The following RARB variants were observed in gnomAD, a reference collection of about 807,000 sequenced individuals.
RARB encodes HBV-activated protein.
Under a neutral mutation model 51.9 loss-of-function variants are expected in RARB, and 17 were observed. That is an observed-to-expected ratio of 0.33 (90% CI 0.22 to 0.49). RARB has a LOEUF of 0.49. Ranked by LOEUF, RARB falls within the 20% of genes least tolerant of loss-of-function variation. The probability of loss-of-function intolerance (pLI) is 0.99; values close to 1 mark genes in which losing one functional copy is unlikely to be tolerated. For synonymous variants in RARB, 215 were observed against 195.4 expected, an observed-to-expected ratio of 1.10 and a Z score of -0.84; for missense variants, 369 against 550.8, an observed-to-expected ratio of 0.67 and a Z score of 3.30.
intron 3 of RARB, among the ~76,000 whole-genome samples, chr3:25,077,047 G>A (rs1330056881): frequency 1.3e-5 from 2 of 152,154 alleles, no homozygotes; most frequent in Non-Finnish European, 2.9e-5. Context: ...ATTTTCTGTA[G>A]GCATCTAAAG....
In RARB at chr3:25,001,034, A is replaced by G. The variant is rs184390827; in HGVS notation, c.-379-59091A>G. Among the ~76,000 whole-genome samples the G allele has an allele frequency of 1.6e-3, 244 of 152,248 alleles. 1 individual carries two copies. The highest frequency in any genetic ancestry group is 0.014 in the Middle Eastern group (4 of 294). ...AAAACATGGACTTGAGCCATTAAAAAGTAAATATTTGTAAGTAGTTCCTAC... is the reference window on the plus strand; with the variant it reads ...AAAACATGGACTTGAGCCATTAAAAGGTAAATATTTGTAAGTAGTTCCTAC... On this transcript the variant is annotated intron_variant, in intron 2 of 11. Coordinates refer to the RARB transcript ENST00000383772.
chr3:25,430,988 CTTTT>C (rs11360533), intron 1 of RARB, among the ~76,000 whole-genome samples: 1 of 105,206 alleles, frequency 9.5e-6, no homozygotes, highest in Non-Finnish European at 1.9e-5. Context: ...AAAACTAAAA[CTTTT>C]TTTTTTTTTT....
intron 2 of RARB, among the ~76,000 whole-genome samples, chr3:24,987,389 G>A (rs551132817): frequency 2.2e-4 from 34 of 152,298 alleles, no homozygotes; most frequent in African/African-American, 7.9e-4. Context: ...CAGCAAAGAA[G>A]AAAGCTCTTA....
chr3:25,010,593 T>A (rs1255404003), intron 2 of RARB, among the ~76,000 whole-genome samples: 1 of 152,116 alleles, frequency 6.6e-6, no homozygotes, highest in African/African-American at 2.4e-5. Context: ...GGATCTTCTA[T>A]CTGGTTGCAA....
At chr3:25,461,162 T>C (rs771464525) in intron 1 of RARB, 31 bp from the exon 2 acceptor site, 1 of 1,513,934 alleles carries the variant, frequency 6.6e-7, no homozygotes, top group East Asian at 2.4e-5. Context: ...CATTTTCTCT[T>C]TTTTCTCCCT....
intron 5 of RARB, among the ~76,000 whole-genome samples, chr3:25,252,009 A>G (rs979679467): frequency 1.3e-5 from 2 of 152,108 alleles, no homozygotes; most frequent in Non-Finnish European, 2.9e-5. Flanking sequence ...TTTAAGTCTG[A>G]ATAGGTTTTG....
At chr3:25,173,060 A>T (rs1420526455) in intron 4 of RARB, among the ~76,000 whole-genome samples, 1 of 152,202 alleles carries the variant, frequency 6.6e-6, no homozygotes, top group Non-Finnish European at 1.5e-5. Context: ...ACATGAATAC[A>T]TTCAGAGGTT....
At chr3:24,960,137 C>T (rs1299097008) in intron 2 of RARB, among the ~76,000 whole-genome samples, 1 of 152,176 alleles carries the variant, frequency 6.6e-6, no homozygotes, top group African/African-American at 2.4e-5. Context: ...CTTTCAGGTT[C>T]TACCTCCTGA....
intron 5 of RARB, among the ~76,000 whole-genome samples, chr3:25,388,565 A>G (rs983178172): frequency 6.6e-6 from 1 of 152,238 alleles, no homozygotes; most frequent in Non-Finnish European, 1.5e-5. Flanking sequence ...TGAAACAAAG[A>G]AATTGTTTTT....
At chr3:24,995,724 C>T (rs1323465847) in intron 2 of RARB, among the ~76,000 whole-genome samples, 2 of 151,968 alleles carry the variant, frequency 1.3e-5, no homozygotes, top group African/African-American at 2.4e-5. Flanking sequence ...TTGAGATGAT[C>T]GTATGGTTTT....
chr3:25,436,784 A>G (rs1240574929), intron 1 of RARB, among the ~76,000 whole-genome samples: 1 of 152,200 alleles, frequency 6.6e-6, no homozygotes, highest in Non-Finnish European at 1.5e-5. Context: ...CACTCAGCAG[A>G]AGCTGTGAAA....
At chr3:25,341,559 T>G (rs939881636) in intron 5 of RARB, among the ~76,000 whole-genome samples, 1 of 152,150 alleles carries the variant, frequency 6.6e-6, no homozygotes, top group Non-Finnish European at 1.5e-5. Flanking sequence ...CAGGAATTGA[T>G]GACTTCTCTC....
At chr3:25,060,978 T>C (rs1481631940) in intron 3 of RARB, among the ~76,000 whole-genome samples, 1 of 151,868 alleles carries the variant, frequency 6.6e-6, no homozygotes, top group African/African-American at 2.4e-5. Context: ...CAAATTTACT[T>C]TATCTCAACA....
intron 5 of RARB, among the ~76,000 whole-genome samples, chr3:25,406,206 T>G (rs1183214951): frequency 6.6e-6 from 1 of 152,188 alleles, no homozygotes; most frequent in Non-Finnish European, 1.5e-5. Context: ...CTTTTGGATA[T>G]GCTCCAAACT....
At chr3:25,437,603 C>T (rs1194286668) in intron 1 of RARB, among the ~76,000 whole-genome samples, 2 of 152,136 alleles carry the variant, frequency 1.3e-5, no homozygotes, top group African/African-American at 2.4e-5. Flanking sequence ...GTCTTTGAAC[C>T]TAAGATTGAT....
chr3:25,107,963 T>C (rs1484603609), intron 3 of RARB, among the ~76,000 whole-genome samples: 1 of 152,176 alleles, frequency 6.6e-6, no homozygotes, highest in African/African-American at 2.4e-5. Context: ...ATTGTCAGCA[T>C]CCCTACTTTT....
At chr3:25,049,871 T>C (rs1698291999) in intron 2 of RARB, among the ~76,000 whole-genome samples, 1 of 152,180 alleles carries the variant, frequency 6.6e-6, no homozygotes, top group Admixed American at 6.5e-5. Context: ...TTTGGCATTG[T>C]GAATAAAAAG....
intron 5 of RARB, among the ~76,000 whole-genome samples, chr3:25,305,726 G>A (rs1361673396): frequency 1.3e-5 from 2 of 152,156 alleles, no homozygotes; most frequent in African/African-American, 4.8e-5. Flanking sequence ...TTGTTGAAGA[G>A]CAGAAAGAGC....
At chr3:25,199,494 G>C (rs958923292) in intron 5 of RARB, among the ~76,000 whole-genome samples, 1 of 152,092 alleles carries the variant, frequency 6.6e-6, no homozygotes, top group Non-Finnish European at 1.5e-5. Flanking sequence ...GGGTACATGT[G>C]CACAATGTGC....
Sources: gnomAD v4.1 joint callset for allele counts (sites outside exome capture counted in the v4.1 genomes callset) on GRCh38, gnomAD v4.1.1 for gene constraint, MANE v1.5 for transcripts, NCBI Gene and HGNC (gene_info 2026-07-23, HGNC 2026-07-21) for gene names.